The following LARGE1 variants were observed in gnomAD, a reference collection of about 807,000 sequenced individuals.
LARGE1 encodes LARGE xylosyl- and glucuronyltransferase 1.
LARGE1 carries 43 observed loss-of-function variants against 87.6 expected under a neutral mutation model. The ratio of observed to expected loss-of-function variants is 0.49; its 90% CI spans 0.38 to 0.63. The LOEUF (loss-of-function observed/expected upper bound fraction) is 0.63. LARGE1 is among the 30% of genes least tolerant of loss of function. The pLI is 0.00. For synonymous variants in LARGE1, 434 were observed against 394.6 expected (o/e 1.10, Z -1.18); for missense variants, 802 against 1,000.2 (o/e 0.80, Z 2.67).
At chr22:33,094,758 G>A in the LARGE1 span, among the ~76,000 whole-genome samples, 7 of 152,104 alleles carry the variant, frequency 4.6e-5, no homozygotes, top group South Asian at 2.1e-4. Context: ...CATTCTTGTC[G>A]CCCAGGCTGG....
At chr22:33,211,075 A>G (rs936511313) in intron 11 of LARGE1, among the ~76,000 whole-genome samples, 37 of 152,164 alleles carry the variant, frequency 2.4e-4, no homozygotes, top group Non-Finnish European at 4.0e-4. Context: ...CATTTTGGTA[A>G]TTCTCAAGTA....
intron 5 of LARGE1, among the ~76,000 whole-genome samples, chr22:33,565,729 C>G (rs953096070): frequency 4.6e-5 from 7 of 152,234 alleles, no homozygotes; most frequent in Non-Finnish European, 1.0e-4. Context: ...AGGACACACA[C>G]ATAGGACAGA....
intron 2 of LARGE1, among the ~76,000 whole-genome samples, chr22:33,757,298 C>T (rs1037871236): frequency 6.6e-6 from 1 of 152,216 alleles, no homozygotes; most frequent in Admixed American, 6.5e-5. Context: ...CCTAAGCCGA[C>T]TCCCTCTTAG....
intron 2 of LARGE1, chr22:33,726,330 C>A (rs141525772): frequency 6.6e-6 from 1 of 152,308 alleles, no homozygotes; most frequent in Non-Finnish European, 1.5e-5. Flanking sequence ...CAAGAAATGA[C>A]ACATGGCCCT....
chr22:33,410,670 A>AT (rs914091782), intron 7 of LARGE1, among the ~76,000 whole-genome samples: 95 of 149,140 alleles, frequency 6.4e-4, no homozygotes, highest in Non-Finnish European at 6.0e-4. Flanking sequence ...AGTCTCAGGT[A>AT]TTTTTTTTTT....
chr22:33,274,650 G>A, intron 14 of LARGE1, 26 bp from the exon 15 acceptor site: 1 of 1,604,556 alleles, frequency 6.2e-7, no homozygotes, highest in South Asian at 1.1e-5. Flanking sequence ...AGCAGCGTGA[G>A]AACCCGCAAG....
chr22:33,736,575 T>A (rs552253899), intron 2 of LARGE1, among the ~76,000 whole-genome samples: 21 of 152,370 alleles, frequency 1.4e-4, no homozygotes, highest in South Asian at 1.0e-3. Flanking sequence ...TATTTTCTCC[T>A]ATTTTGTGTC....
At chr22:33,224,134 T>C (rs972164034) in intron 11 of LARGE1, among the ~76,000 whole-genome samples, 2 of 152,000 alleles carry the variant, frequency 1.3e-5, no homozygotes, top group African/African-American at 4.8e-5. Context: ...GGCGTGGTGG[T>C]GGGCACCTGT....
chr22:33,257,423 TAAAACAAAAACA>T (rs145629358), intron 11 of LARGE1, among the ~76,000 whole-genome samples: 8,735 of 139,790 alleles, frequency 0.062, 405 homozygotes, highest in East Asian at 0.22. Context: ...ACTTGGAAGG[TAAAACAAAAACA>T]AAAACAAAAA....
chr22:33,881,085 C>T (rs1376933877), intron 1 of LARGE1, among the ~76,000 whole-genome samples: 1 of 151,904 alleles, frequency 6.6e-6, no homozygotes, highest in Non-Finnish European at 1.5e-5. Flanking sequence ...GATAAAGATG[C>T]CACAGAGGCT....
intron 6 of LARGE1, among the ~76,000 whole-genome samples, chr22:33,520,141 G>T (rs993492057): frequency 1.8e-4 from 27 of 151,688 alleles, no homozygotes; most frequent in African/African-American, 5.8e-4. Context: ...AGCAGCTGGG[G>T]CTACAGGCCT....
intron 2 of LARGE1, among the ~76,000 whole-genome samples, chr22:33,652,575 G>C (rs564681372): frequency 1.3e-5 from 2 of 152,146 alleles, no homozygotes; most frequent in South Asian, 4.2e-4. Context: ...AGCAAAAAAA[G>C]CATATCTCTA....
chr22:33,490,825 G>C lies in LARGE1; in HGVS notation c.788-58560C>G, dbSNP rs762663330. 2.0e-5 allele frequency among the ~76,000 whole-genome samples: 3 copies of C among 152,182 alleles called. No homozygotes were observed. The East Asian group carries it at 5.8e-4, about 29-fold the overall frequency. The stretch of plus-strand genomic sequence containing the variant: ...ACTGACACTTTAGTAGCTCTTCGCC[G>C]GTGACCATGAGCTGCAGAGCTGCTC... On this transcript the variant is annotated intron_variant, in intron 6 of 14. Coordinates refer to ENST00000397394, the MANE Select transcript of LARGE1 (RefSeq NM_133642.5).
At chr22:33,842,644 A>C (rs1012967553) in intron 1 of LARGE1, among the ~76,000 whole-genome samples, 2 of 152,188 alleles carry the variant, frequency 1.3e-5, no homozygotes, top group African/African-American at 4.8e-5. Context: ...ATGTGAGCCA[A>C]ATAAGGAAAC....
chr22:33,265,925 A>T (rs1011896135), intron 11 of LARGE1, among the ~76,000 whole-genome samples: 2 of 152,156 alleles, frequency 1.3e-5, no homozygotes, highest in African/African-American at 2.4e-5. Context: ...CTTTCCTGAG[A>T]CCCTCACAAA....
At chr22:33,262,054 T>C (rs1927657831) in intron 11 of LARGE1, among the ~76,000 whole-genome samples, 2 of 152,162 alleles carry the variant, frequency 1.3e-5, no homozygotes, top group Non-Finnish European at 2.9e-5. Flanking sequence ...GTGTTTGGAG[T>C]TGACAAAGTA....
chr22:33,440,276 CTGAA>C (rs1201975122), intron 6 of LARGE1, among the ~76,000 whole-genome samples: 2 of 152,312 alleles, frequency 1.3e-5, no homozygotes, highest in Admixed American at 1.3e-4. Context: ...TAAATTCTAT[CTGAA>C]TGGAGTGGAA....
intron 1 of LARGE1, among the ~76,000 whole-genome samples, chr22:33,863,537 C>A (rs887482340): frequency 6.6e-6 from 1 of 150,578 alleles, no homozygotes; most frequent in Non-Finnish European, 1.5e-5. Context: ...GTGGGCGGAT[C>A]ACAAGGTCAG....
intron 6 of LARGE1, among the ~76,000 whole-genome samples, chr22:33,475,032 C>G (rs960491070): frequency 1.3e-5 from 2 of 152,122 alleles, no homozygotes; most frequent in African/African-American, 4.8e-5. Flanking sequence ...TTCACTCCAC[C>G]ATCTACAGGA....
Sources: allele counts gnomAD v4.1 joint callset (sites outside exome capture counted in the v4.1 genomes callset), GRCh38; gene constraint gnomAD v4.1.1; transcripts MANE v1.5; gene names NCBI Gene and HGNC (gene_info 2026-07-23, HGNC 2026-07-21).